The following UGT1A8 variants were observed in gnomAD, a reference collection of about 807,000 sequenced individuals.
UGT1A8 encodes UDP glucuronosyltransferase family 1 member A8.
In UGT1A8, 39 loss-of-function variants were observed where a neutral mutation model predicts 45.3. The observed-to-expected ratio is 0.86, with a 90% CI of 0.67 to 1.12. UGT1A8 has a LOEUF of 1.12. Among genes scored for constraint, UGT1A8 ranks in the 50% most tolerant of loss-of-function variants. UGT1A8 has a pLI of 0.00. For synonymous variants in UGT1A8, 275 were observed against 249.2 expected (o/e 1.10, Z -0.97); for missense variants, 719 against 664.9 (o/e 1.08, Z -0.90).
At position 233,679,633 on chromosome 2, in the gene UGT1A8, C is replaced by G. The variant is rs145588632; in HGVS notation, c.855+61071C>G. On this transcript the variant is annotated intron_variant, in intron 1 of 4. Coordinates refer to ENST00000373450, the MANE Select transcript of UGT1A8 (RefSeq NM_019076.5). Reference sequence around the variant, plus strand: ...CCTGTTCAGGCAGATATCCTTTGTCCTCAATGCTTTTCTTCATGGCATCTG... The same window carrying G: ...CCTGTTCAGGCAGATATCCTTTGTCGTCAATGCTTTTCTTCATGGCATCTG... Among the ~76,000 whole-genome samples, 3 of 152,182 alleles carry G rather than the reference C, an allele frequency of 2.0e-5. No individual in the cohort carries two copies. In the East Asian group the frequency reaches 5.8e-4, roughly 29 times the overall value.
chr2:233,686,262 T>A (rs2074780343), intron 1 of UGT1A8, among the ~76,000 whole-genome samples: 1 of 151,974 alleles, frequency 6.6e-6, no homozygotes, highest in Non-Finnish European at 1.5e-5. Flanking sequence ...TTTTTTTTTC[T>A]TGTACCAAAA....
At chr2:233,637,052 T>G (rs1172948418) in intron 1 of UGT1A8, 1 of 1,614,014 alleles carries the variant, frequency 6.2e-7, no homozygotes, top group South Asian at 1.1e-5. Flanking sequence ...TGCCACCATC[T>G]TGAAGAAGGT....
chr2:233,630,593 T>A (rs543468809), intron 1 of UGT1A8, among the ~76,000 whole-genome samples: 6 of 152,236 alleles, frequency 3.9e-5, no homozygotes, highest in Admixed American at 2.0e-4. Context: ...ATATGAAACA[T>A]GGTGCTAGCA....
chr2:233,760,637 A>G (rs1399740159), intron 1 of UGT1A8: 1 of 1,614,182 alleles, frequency 6.2e-7, no homozygotes, highest in South Asian at 1.1e-5. Context: ...AAGAAAATAA[A>G]AAAGGACTCT....
intron 1 of UGT1A8, among the ~76,000 whole-genome samples, chr2:233,669,976 C>A (rs540454280): frequency 6.6e-6 from 1 of 152,116 alleles, no homozygotes; most frequent in Admixed American, 6.6e-5. Flanking sequence ...TGAGCCACCA[C>A]GCCCAGCACA....
At chr2:233,754,955 G>T in intron 1 of UGT1A8, 1 of 1,314,366 alleles carries the variant, frequency 7.6e-7, no homozygotes, top group Non-Finnish European at 1.0e-6. Context: ...GGTCCCGGCC[G>T]CCAAAGAACT....
chr2:233,772,918 GCAGTTTTAATCTTATCTTTT>G lies in UGT1A8; in HGVS notation c.*360_*379del. 2.7e-6 allele frequency: 1 copy of G among 377,336 alleles called. No homozygotes were observed. The allele number at this position is 377,336 out of a possible 1,614,324, so 23.4% of individuals were successfully genotyped here. A position where few individuals can be genotyped will look rare whatever the true frequency, so the allele number is the denominator to read the frequency against. On this transcript the variant is annotated 3_prime_UTR_variant, in exon 5 of 5. Transcript: ENST00000373450. ...CCCACGGCTGCCCCTACTGCAAATG[GCAGTTTTAATCTTATCTTTT>G]GGCTTCTGCAGATGGTTGCAATTGA...
rs369861347 is a variant in UGT1A8 at position 233,704,965 on chromosome 2, A to G, written c.856-62069A>G. On this transcript the variant is annotated intron_variant, in intron 1 of 4. Coordinates refer to ENST00000373450, the MANE Select transcript of UGT1A8 (RefSeq NM_019076.5). ...AGCCTGGCCAACATGGTGAAACCCC[A>G]TCTCTACTTAAAATACAGAAATTAG... Among the ~76,000 whole-genome samples the G allele has an allele frequency of 7.9e-5, 12 of 152,064 alleles. 1 individual carries two copies. In the East Asian group the frequency reaches 1.2e-3, roughly 15 times the overall value.
At chr2:233,647,688 T>A (rs1444688573) in intron 1 of UGT1A8, among the ~76,000 whole-genome samples, 1 of 152,244 alleles carries the variant, frequency 6.6e-6, no homozygotes, top group Non-Finnish European at 1.5e-5. Context: ...AACTTGTTCA[T>A]GTTTCTTATT....
At chr2:233,766,480 T>C (rs1299744322) in intron 1 of UGT1A8, among the ~76,000 whole-genome samples, 1 of 152,128 alleles carries the variant, frequency 6.6e-6, no homozygotes, top group African/African-American at 2.4e-5. Flanking sequence ...AGGCACATGA[T>C]GGGGGCGTGG....
intron 1 of UGT1A8, among the ~76,000 whole-genome samples, chr2:233,706,235 G>A (rs2075896552): frequency 6.6e-6 from 1 of 152,250 alleles, no homozygotes; most frequent in African/African-American, 2.4e-5. Flanking sequence ...GTGCAGCTGG[G>A]AGAGTGAGAG....
chr2:233,648,265 G>A, intron 1 of UGT1A8: 1 of 616,222 alleles, frequency 1.6e-6, no homozygotes, highest in Non-Finnish European at 2.9e-6. Flanking sequence ...TTTTGATGCG[G>A]TGTTTCTGGA....
intron 1 of UGT1A8, among the ~76,000 whole-genome samples, chr2:233,736,432 A>G (rs1471757710): frequency 6.6e-6 from 1 of 152,142 alleles, no homozygotes; most frequent in East Asian, 1.9e-4. Flanking sequence ...TCAAGGTTCA[A>G]CCTTCCTTGC....
In UGT1A8 at chr2:233,772,749, G is replaced by T. The variant is rs901299936; in HGVS notation, c.*190G>T. The T allele has an allele frequency of 1.4e-6, 2 of 1,420,114 alleles. No individual in the cohort carries two copies. The highest frequency in any genetic ancestry group is 1.8e-6 in the Non-Finnish European group (2 of 1,083,638). The allele number at this position is 1,420,114 out of a possible 1,614,324, so 88.0% of individuals were successfully genotyped here. A position where few individuals can be genotyped will look rare whatever the true frequency, so the allele number is the denominator to read the frequency against. On this transcript the variant is annotated 3_prime_UTR_variant, in exon 5 of 5. Coordinates refer to ENST00000373450, the MANE Select transcript of UGT1A8 (RefSeq NM_019076.5). ...GACTCGCTAGTCAGTAAAGATATTTGAATATGTATCGTGCCCCCTCTGGTG... is the reference window on the plus strand; with the variant it reads ...GACTCGCTAGTCAGTAAAGATATTTTAATATGTATCGTGCCCCCTCTGGTG...
intron 1 of UGT1A8, chr2:233,729,953 T>A (rs371021401): frequency 6.2e-7 from 1 of 1,614,064 alleles, no homozygotes; most frequent in Non-Finnish European, 8.5e-7. Context: ...ATGGTCTTCA[T>A]TGGGGGCATC....
At chr2:233,685,810 G>A (rs894047732) in intron 1 of UGT1A8, among the ~76,000 whole-genome samples, 8 of 151,984 alleles carry the variant, frequency 5.3e-5, no homozygotes, top group Admixed American at 2.0e-4. Flanking sequence ...GTCTCATCAC[G>A]AAATACTTCA....
chr2:233,668,053 G>A (rs1213067547), intron 1 of UGT1A8, among the ~76,000 whole-genome samples: 1 of 107,630 alleles, frequency 9.3e-6, no homozygotes, highest in Non-Finnish European at 1.9e-5. Context: ...TTAGTTTACT[G>A]TGCACATTTT....
At chr2:233,699,279 C>A (rs2075495770) in intron 1 of UGT1A8, among the ~76,000 whole-genome samples, 1 of 152,096 alleles carries the variant, frequency 6.6e-6, no homozygotes, top group African/African-American at 2.4e-5. Context: ...TGAATCCAGG[C>A]CAGATGCTGG....
At position 233,672,446 on chromosome 2, in the gene UGT1A8, G is replaced by T. The variant is rs750560276; in HGVS notation, c.855+53884G>T. On this transcript the variant is annotated intron_variant, in intron 1 of 4. Transcript: ENST00000373450. ...CTCCCCTCCGTGGTCTTCGCCAGGG[G>T]AATACTTTGCCACTATCTTGAAGAA... 2.8e-5 allele frequency: 45 copies of T among 1,613,782 alleles called. No homozygotes were observed. Among genetic ancestry groups the T allele is most frequent in the African/African-American group, 4.0e-5 (3 of 74,886 alleles).
Sources: allele counts gnomAD v4.1 joint callset (sites outside exome capture counted in the v4.1 genomes callset), GRCh38; gene constraint gnomAD v4.1.1; transcripts MANE v1.5; gene names NCBI Gene and HGNC (gene_info 2026-07-23, HGNC 2026-07-21).